MYOZ3: variants seen among roughly 807,000 people sequenced by gnomAD.
MYOZ3 encodes the protein myozenin-3.
In MYOZ3, 19 loss-of-function variants were observed where a neutral mutation model predicts 26.5. The observed-to-expected ratio is 0.72, with a 90% confidence interval of 0.50 to 1.05. The LOEUF is 1.05. Ranked by LOEUF, MYOZ3 falls within the 50% of genes least tolerant of loss-of-function variation. MYOZ3 has a pLI of 0.00. For synonymous variants in MYOZ3, 135 were observed against 138.8 expected (o/e 0.97, Z 0.19); for missense variants, 322 against 337.1 (o/e 0.96, Z 0.35).
chr5:150,674,130 C>A (rs1044925596), intron 6 of MYOZ3, among the ~76,000 whole-genome samples: 1 of 152,190 alleles, frequency 6.6e-6, no homozygotes, highest in Non-Finnish European at 1.5e-5. Context: ...GCTTAGCATG[C>A]GCTGTGTGAG....
chr5:150,676,037 C>T (rs1343426466), intron 6 of MYOZ3, among the ~76,000 whole-genome samples: 1 of 152,212 alleles, frequency 6.6e-6, no homozygotes. Context: ...TTGTAATCTG[C>T]ATTTCCCCCC....
At position 150,671,834 on chromosome 5, in the gene MYOZ3, T is replaced by C; in HGVS notation, c.350T>C (p.Leu117Pro). The part of the protein sequence containing the change: ...HIFPASPGAS[L>P]GGPEGAHPAA... ...TTCCCGGCCTCACCCGGGGCCTCAC[T>C]CGGGGGTCCCGAGGGCGCCCACCCT... Residue 117 changes from leucine (L) to proline (P), a missense_variant, in exon 5 of 7, where the codon CTC (leucine) becomes CCC (proline). Coordinates refer to ENST00000517768, the MANE Select transcript of MYOZ3 (RefSeq NM_001122853.3). 6.2e-7 allele frequency: 1 copy of C among 1,610,024 alleles called. No homozygotes were observed. Among genetic ancestry groups the C allele is most frequent in the Non-Finnish European group, 8.5e-7 (1 of 1,179,254 alleles).
At chr5:150,667,737 CTCTT>C (rs1695025408) in intron 2 of MYOZ3, among the ~76,000 whole-genome samples, 1 of 152,228 alleles carries the variant, frequency 6.6e-6, no homozygotes, top group African/African-American at 2.4e-5. Flanking sequence ...TACCAATCCT[CTCTT>C]TCTCTCTTTT....
chr5:150,673,179 G>A (rs1229799480), intron 6 of MYOZ3: 1 of 152,448 alleles, frequency 6.6e-6, no homozygotes, highest in Non-Finnish European at 1.5e-5. Flanking sequence ...TTGACCTTGG[G>A]CAAGTGACTT....
intron 2 of MYOZ3, 193 bp from the exon 3 acceptor site, chr5:150,670,291 A>G: frequency 5.8e-6 from 3 of 513,548 alleles, no homozygotes; most frequent in South Asian, 8.0e-5. Flanking sequence ...CAACAAACAC[A>G]TGCAAATTAA....
chr5:150,670,920 G>A (rs1330072646), intron 3 of MYOZ3: 1 of 227,120 alleles, frequency 4.4e-6, no homozygotes, highest in Non-Finnish European at 7.9e-6. Context: ...GCTAAGACAG[G>A]CATGCACTCT....
intron 1 of MYOZ3, 142 bp from the exon 2 acceptor site, chr5:150,662,799 T>G: frequency 1.4e-6 from 1 of 710,912 alleles, no homozygotes; most frequent in Admixed American, 2.8e-5. Flanking sequence ...TGAAGTCCCT[T>G]CCAGCTCAGA....
chr5:150,667,157 T>C (rs751840086), intron 2 of MYOZ3, among the ~76,000 whole-genome samples: 3 of 152,152 alleles, frequency 2.0e-5, no homozygotes, highest in Non-Finnish European at 4.4e-5. Context: ...AGACAGCTAT[T>C]TAGGATTCCA....
intron 6 of MYOZ3, among the ~76,000 whole-genome samples, chr5:150,673,773 G>A (rs780328993): frequency 3.9e-5 from 6 of 152,230 alleles, no homozygotes; most frequent in Non-Finnish European, 8.8e-5. Context: ...ACTGGGGGAA[G>A]GCCTTGGGCT....
rs1249646673 is a variant in MYOZ3, at chr5:150,679,345, T to TA, written c.*2477dup. The TA allele has an allele frequency of 2.0e-5, 3 of 151,974 alleles. No individual in the cohort carries two copies. The highest frequency in any genetic ancestry group is 4.2e-4 in the South Asian group (2 of 4,812). The allele number at this position is 151,974 out of a possible 1,614,324, so 9.4% of individuals were successfully genotyped here. A position where few individuals can be genotyped will look rare whatever the true frequency, so the allele number is the denominator to read the frequency against. On this transcript the variant is annotated 3_prime_UTR_variant, in exon 7 of 7. Transcript: ENST00000517768. ...AAAAAAAGAATGCTCATTGTAAAAATAAAAAAATAATAATAAGCAAGGAGT... is the reference window on the plus strand; with the variant it reads ...AAAAAAAGAATGCTCATTGTAAAAATAAAAAAAATAATAATAAGCAAGGAGT...
chr5:150,670,291 A>T, intron 2 of MYOZ3, 193 bp from the exon 3 acceptor site: 4 of 513,548 alleles, frequency 7.8e-6, no homozygotes, highest in Non-Finnish European at 1.3e-5. Context: ...CAACAAACAC[A>T]TGCAAATTAA....
chr5:150,670,280 G>A (rs868604354), intron 2 of MYOZ3: 1 of 491,152 alleles, frequency 2.0e-6, no homozygotes, highest in Non-Finnish European at 3.5e-6. Context: ...ACTTCACTGA[G>A]CAACAAACAC....
intron 6 of MYOZ3, among the ~76,000 whole-genome samples, chr5:150,673,576 G>A (rs969357487): frequency 3.9e-5 from 6 of 152,104 alleles, no homozygotes; most frequent in African/African-American, 9.7e-5. Flanking sequence ...TCCTGAACTC[G>A]TGATCCACCC....
intron 2 of MYOZ3, among the ~76,000 whole-genome samples, chr5:150,668,856 T>A (rs985224678): frequency 6.6e-6 from 1 of 152,196 alleles, no homozygotes; most frequent in Non-Finnish European, 1.5e-5. Flanking sequence ...GTTCCAACTA[T>A]GAGAAAAGAA....
intron 2 of MYOZ3, among the ~76,000 whole-genome samples, chr5:150,664,482 A>G (rs1454253410): frequency 1.3e-5 from 2 of 152,220 alleles, no homozygotes; most frequent in African/African-American, 4.8e-5. Context: ...GGAAGAAAAA[A>G]TAAATCTCAT....
rs370373786 is a variant in MYOZ3 at position 150,670,516 on chromosome 5, G to T, written c.94G>T (p.Val32Leu). Residue 32 changes from valine to leucine, a missense_variant, in exon 3 of 7, where the codon GTG becomes TTG. Coordinates refer to ENST00000517768, the MANE Select transcript of MYOZ3 (RefSeq NM_001122853.3). Reference sequence around the variant, plus strand: ...GCTGGACCTGGGCAAGAAGCTGAGCGTGCCCCAGGACCTGATGATGGAGGA... The same window carrying T: ...GCTGGACCTGGGCAAGAAGCTGAGCTTGCCCCAGGACCTGATGATGGAGGA... ...PTLDLGKKLS[V>L]PQDLMMEELS... 6.2e-7 allele frequency: 1 copy of T among 1,612,700 alleles called. No individual in the cohort carries two copies. The highest frequency in any genetic ancestry group is 2.2e-5 in the East Asian group (1 of 44,854).
intron 3 of MYOZ3, 97 bp from the exon 4 acceptor site, chr5:150,671,500 C>A: frequency 7.6e-7 from 1 of 1,310,220 alleles, no homozygotes; most frequent in Non-Finnish European, 1.1e-6. Context: ...CGTTAGGATT[C>A]TTGCCTCCCC....
intron 6 of MYOZ3, among the ~76,000 whole-genome samples, chr5:150,674,688 A>G (rs994987466): frequency 1.3e-5 from 2 of 152,216 alleles, no homozygotes; most frequent in African/African-American, 4.8e-5. Flanking sequence ...AAACAACACA[A>G]GCAATGATTT....
chr5:150,672,682 T>A (rs73276171), intron 6 of MYOZ3, 180 bp downstream of exon 6: 25,477 of 652,414 alleles, frequency 0.039, 2,832 homozygotes, highest in African/African-American at 0.29. Context: ...GGTGCTCAGT[T>A]AACGTGGGAG....
Sources: gnomAD v4.1 joint callset for allele counts (sites outside exome capture counted in the v4.1 genomes callset) on GRCh38, gnomAD v4.1.1 for gene constraint, MANE v1.5 for transcripts, NCBI Gene and HGNC (gene_info 2026-07-23, HGNC 2026-07-21) for gene names.